SHROOM3: variants seen among roughly 807,000 people sequenced by gnomAD.
SHROOM3 encodes shroom family member 3, also known as protein Shroom3.
In SHROOM3, 47 loss-of-function variants were observed where a neutral mutation model predicts 138.6. That is an observed-to-expected ratio of 0.34 (90% CI 0.27 to 0.43). The LOEUF (loss-of-function observed/expected upper bound fraction) is 0.43. Ranked by LOEUF, SHROOM3 falls within the 20% of genes least tolerant of loss-of-function variation. The probability of loss-of-function intolerance (pLI) is 1.00; values close to 1 mark genes in which losing one functional copy is unlikely to be tolerated. For missense variants in SHROOM3, 2,491 were observed against 2,596.5 expected, an observed-to-expected ratio of 0.96 and a Z score of 0.88; for synonymous variants, 1,062 against 1,063.3, an observed-to-expected ratio of 1.00 and a Z score of 0.02.
At chr4:76,469,179 C>T (rs1479398277) in intron 1 of SHROOM3, among the ~76,000 whole-genome samples, 1 of 152,016 alleles carries the variant, frequency 6.6e-6, no homozygotes, top group Non-Finnish European at 1.5e-5. Flanking sequence ...CCAGCCTAGG[C>T]CACAGAGTGA....
chr4:76,454,713 G>T (rs1233116696), intron 1 of SHROOM3, among the ~76,000 whole-genome samples: 1 of 152,022 alleles, frequency 6.6e-6, no homozygotes, highest in Non-Finnish European at 1.5e-5. Flanking sequence ...ATGTCATTGG[G>T]ATTTTGATGG....
At position 76,739,959 on chromosome 4, in the gene SHROOM3, C is replaced by G; in HGVS notation, c.1786C>G (p.Pro596Ala). 1.1e-5 allele frequency: 18 copies of G among 1,614,162 alleles called. No individual in the cohort carries two copies. The highest frequency in any genetic ancestry group is 1.5e-5 in the Non-Finnish European group (18 of 1,180,044). ...NERKSTHSNK[P>A]SSHPHSLKCP... ...GAGAAAGAGCACCCACAGTAACAAA[C>G]CATCTTCTCATCCCCACAGCCTCAA... is the stretch of plus-strand genomic sequence containing the variant. The change falls in exon 5 of 11, where the codon CCA becomes GCA. Residue 596 changes from proline (P) to alanine (A), a missense_variant. Physicochemically the swap from Pro to Ala is conservative, Grantham distance 27. Around this residue, in one of 4 missense-constraint regions of SHROOM3, gnomAD observed 1,733 missense variants for 1,661.6 expected, o/e 1.04. Coordinates refer to ENST00000296043, the MANE Select transcript of SHROOM3 (RefSeq NM_020859.4).
chr4:76,457,080 TGTA>T (rs958892984), intron 1 of SHROOM3, among the ~76,000 whole-genome samples: 1 of 151,932 alleles, frequency 6.6e-6, no homozygotes, highest in African/African-American at 2.4e-5. Context: ...GCCATCTGGG[TGTA>T]TACGTGCAAA....
At chr4:76,497,009 G>T (rs1275864225) in intron 1 of SHROOM3, among the ~76,000 whole-genome samples, 2 of 152,306 alleles carry the variant, frequency 1.3e-5, no homozygotes, top group South Asian at 2.1e-4. Flanking sequence ...TGCTAGCATG[G>T]TGCCTTACAT....
intron 2 of SHROOM3, 197 bp from the exon 3 acceptor site, chr4:76,709,959 C>T (rs575287601): frequency 1.7e-5 from 10 of 579,482 alleles, no homozygotes; most frequent in African/African-American, 9.3e-5. Context: ...AAGGAAGACA[C>T]GACACTCAGT....
At chr4:76,576,546 T>C (rs1343572636) in intron 2 of SHROOM3, among the ~76,000 whole-genome samples, 1 of 152,088 alleles carries the variant, frequency 6.6e-6, no homozygotes. Flanking sequence ...GGTTAATGCA[T>C]ACAAAAAGGT....
At chr4:76,582,508 G>A (rs562040861) in intron 2 of SHROOM3, among the ~76,000 whole-genome samples, 14 of 152,132 alleles carry the variant, frequency 9.2e-5, no homozygotes, top group Non-Finnish European at 1.6e-4. Flanking sequence ...AAAGACCAGC[G>A]GAAATCTGGT....
At chr4:76,451,840 G>GT (rs1473763841) in intron 1 of SHROOM3, among the ~76,000 whole-genome samples, 1 of 152,116 alleles carries the variant, frequency 6.6e-6, no homozygotes, top group Non-Finnish European at 1.5e-5. Flanking sequence ...ATTTTTAAAG[G>GT]TTTTTTTAGA....
At chr4:76,536,812 T>C (rs2110018449) in intron 1 of SHROOM3, among the ~76,000 whole-genome samples, 1 of 152,306 alleles carries the variant, frequency 6.6e-6, no homozygotes, top group South Asian at 2.1e-4. Flanking sequence ...TTTGCTGAAC[T>C]TATAAATAAT....
intron 1 of SHROOM3, among the ~76,000 whole-genome samples, chr4:76,461,156 T>C (rs915342620): frequency 7.2e-5 from 11 of 152,072 alleles, no homozygotes; most frequent in Admixed American, 3.3e-4. Context: ...GGCTTCAACA[T>C]AGGAATTTTG....
At chr4:76,449,789 C>T (rs1579161256) in intron 1 of SHROOM3, among the ~76,000 whole-genome samples, 1 of 152,154 alleles carries the variant, frequency 6.6e-6, no homozygotes, top group East Asian at 1.9e-4. Flanking sequence ...AATATGCTTC[C>T]AGTCCTCTCT....
intron 10 of SHROOM3, among the ~76,000 whole-genome samples, chr4:76,774,089 T>TA (rs957193588): frequency 1.3e-5 from 2 of 151,946 alleles, no homozygotes; most frequent in Non-Finnish European, 2.9e-5. Flanking sequence ...GGGGATAAAT[T>TA]AGAGAATGAA....
chr4:76,567,660 A>T (rs1733755000), intron 2 of SHROOM3, among the ~76,000 whole-genome samples: 1 of 152,180 alleles, frequency 6.6e-6, no homozygotes. Context: ...AAAAAAATTA[A>T]TAAATAACTA....
chr4:76,532,265 G>A (rs1732848520), intron 1 of SHROOM3: 1 of 152,286 alleles, frequency 6.6e-6, no homozygotes, highest in South Asian at 2.1e-4. Context: ...ATCCTTGCGT[G>A]GGGGCCATGT....
intron 2 of SHROOM3, among the ~76,000 whole-genome samples, chr4:76,603,906 G>C (rs777788573): frequency 4.1e-5 from 6 of 144,738 alleles, no homozygotes; most frequent in Non-Finnish European, 9.0e-5. Context: ...GCAGTGGCGC[G>C]ATCTCAGCTC....
At chr4:76,708,486 A>T (rs1245670318) in intron 2 of SHROOM3, among the ~76,000 whole-genome samples, 5 of 152,134 alleles carry the variant, frequency 3.3e-5, no homozygotes, top group Non-Finnish European at 5.9e-5. Flanking sequence ...CCTGGTCTTG[A>T]TTGTTTTCCC....
At chr4:76,593,648 G>C (rs1022474098) in intron 2 of SHROOM3, among the ~76,000 whole-genome samples, 1 of 152,112 alleles carries the variant, frequency 6.6e-6, no homozygotes, top group African/African-American at 2.4e-5. Context: ...ATTTGGGTGA[G>C]AACTTGACTT....
chr4:76,728,898 A>C (rs1720786723), intron 3 of SHROOM3, among the ~76,000 whole-genome samples: 1 of 151,658 alleles, frequency 6.6e-6, no homozygotes, highest in South Asian at 2.1e-4. Flanking sequence ...GCAATACCTC[A>C]CTGGGGAGCT....
chr4:76,473,526 T>C (rs2109983442), intron 1 of SHROOM3, among the ~76,000 whole-genome samples: 1 of 152,220 alleles, frequency 6.6e-6, no homozygotes, highest in Non-Finnish European at 1.5e-5. Context: ...AGAGGATTGC[T>C]TAAGCCCAGC....
Sources: allele counts gnomAD v4.1 joint callset (sites outside exome capture counted in the v4.1 genomes callset), GRCh38; gene constraint gnomAD v4.1.1; regional missense constraint gnomAD v4.1.1; transcripts MANE v1.5; gene names NCBI Gene and HGNC (gene_info 2026-07-23, HGNC 2026-07-21).